EPB41: variants seen among roughly 807,000 people sequenced by gnomAD.
EPB41 encodes erythrocyte membrane protein band 4.1.
Under a neutral mutation model 108.0 loss-of-function variants are expected in EPB41, and 65 were observed. The ratio of observed to expected loss-of-function variants is 0.60; its 90% CI spans 0.49 to 0.74. EPB41 has a LOEUF of 0.74. EPB41 is among the 30% of genes least tolerant of loss of function. The probability of loss-of-function intolerance (pLI) is 0.00; values close to 1 mark genes in which losing one functional copy is unlikely to be tolerated. For missense variants in EPB41, 875 were observed against 1,037.0 expected (o/e 0.84, Z 2.15); for synonymous variants, 336 against 358.9 (o/e 0.94, Z 0.72).
chr1:29,022,372 T>A (rs375268646), intron 7 of EPB41, among the ~76,000 whole-genome samples: 1,883 of 109,598 alleles, frequency 0.017, no homozygotes, highest in East Asian at 0.038. Context: ...ATTGATATAA[T>A]AAAAAAAAAA....
intron 1 of EPB41, chr1:28,890,923 T>C: frequency 1.0e-6 from 1 of 985,468 alleles, no homozygotes; most frequent in Non-Finnish European, 1.2e-6. Context: ...GTTTGACCCC[T>C]GCTGGAGCAA....
chr1:29,057,894 T>C (rs541204813), intron 12 of EPB41, among the ~76,000 whole-genome samples: 3 of 152,322 alleles, frequency 2.0e-5, no homozygotes, highest in Non-Finnish European at 2.9e-5. Context: ...CTAGAGGAGA[T>C]TGCAGTGTGT....
intron 1 of EPB41, among the ~76,000 whole-genome samples, chr1:28,954,462 G>A (rs114293030): frequency 0.022 from 3,387 of 152,238 alleles, 79 homozygotes; most frequent in African/African-American, 0.056. Context: ...CCTTTGTTTA[G>A]CATTAGATCC....
chr1:28,920,269 TAG>T (rs1446723926), intron 1 of EPB41, among the ~76,000 whole-genome samples: 1 of 152,236 alleles, frequency 6.6e-6, no homozygotes, highest in Admixed American at 6.5e-5. Context: ...TATCTATTAA[TAG>T]AGACAGGAAC....
chr1:29,088,243 C>T (rs1187150244), intron 16 of EPB41, among the ~76,000 whole-genome samples: 2 of 151,942 alleles, frequency 1.3e-5, no homozygotes, highest in Non-Finnish European at 2.9e-5. Context: ...GACGGGGTTT[C>T]GCCATGTTGG....
chr1:28,968,065 A>G (rs2095406177), intron 1 of EPB41, among the ~76,000 whole-genome samples: 2 of 151,910 alleles, frequency 1.3e-5, no homozygotes, highest in Non-Finnish European at 2.9e-5. Flanking sequence ...CTGTTTTTAA[A>G]ACTTCGTTTT....
intron 1 of EPB41, chr1:28,890,977 A>G (rs2090052973): frequency 5.1e-6 from 5 of 985,362 alleles, no homozygotes; most frequent in Admixed American, 1.2e-4. Context: ...CTGGGGAACA[A>G]GCTGTGCTGC....
At chr1:29,105,389 C>T (rs1410159676) in intron 17 of EPB41, among the ~76,000 whole-genome samples, 1 of 151,956 alleles carries the variant, frequency 6.6e-6, no homozygotes, top group African/African-American at 2.4e-5. Flanking sequence ...AGGTGCCCAC[C>T]ACTTCACCTG....
chr1:28,990,752 C>T (rs541499651), intron 2 of EPB41, among the ~76,000 whole-genome samples: 1 of 152,086 alleles, frequency 6.6e-6, no homozygotes, highest in East Asian at 1.9e-4. Context: ...TCTCCTTCAG[C>T]TTTATATAGG....
chr1:28,925,065 A>G (rs1003695239), intron 1 of EPB41, among the ~76,000 whole-genome samples: 7 of 151,024 alleles, frequency 4.6e-5, no homozygotes, highest in African/African-American at 1.7e-4. Context: ...TCCCAGGTTC[A>G]AGCTTTTCCC....
chr1:28,906,664 AAGTGCTTTCCTGAG>A (rs1453140562), intron 1 of EPB41, among the ~76,000 whole-genome samples: 1 of 152,204 alleles, frequency 6.6e-6, no homozygotes, highest in Non-Finnish European at 1.5e-5. Context: ...ATCATTTCCA[AAGTGCTTTCCTGAG>A]AGTGCTTTCC....
chr1:28,958,023 C>G (rs2095031899), intron 1 of EPB41, among the ~76,000 whole-genome samples: 1 of 151,712 alleles, frequency 6.6e-6, no homozygotes, highest in African/African-American at 2.4e-5. Flanking sequence ...CTATGTTAAC[C>G]AGGCAGGTCT....
At chr1:28,968,219 T>C (rs2095409626) in intron 1 of EPB41, among the ~76,000 whole-genome samples, 3 of 151,746 alleles carry the variant, frequency 2.0e-5, no homozygotes, top group South Asian at 4.1e-4. Flanking sequence ...TACCTGGGTG[T>C]GGTGGCACTC....
intron 16 of EPB41, chr1:29,097,030 C>T (rs1663449243): frequency 6.6e-6 from 1 of 152,262 alleles, no homozygotes; most frequent in Non-Finnish European, 1.5e-5. Flanking sequence ...GTACTGCAGC[C>T]ACATTGTGCA....
intron 6 of EPB41, among the ~76,000 whole-genome samples, chr1:29,017,710 G>T (rs1358949819): frequency 6.6e-6 from 1 of 152,126 alleles, no homozygotes; most frequent in Non-Finnish European, 1.5e-5. Context: ...GCATAGCAAT[G>T]TGATAGAAAA....
chr1:28,921,716 A>G (rs1359328441), intron 1 of EPB41, among the ~76,000 whole-genome samples: 1 of 151,686 alleles, frequency 6.6e-6, no homozygotes, highest in Non-Finnish European at 1.5e-5. Context: ...ATGGTATCAT[A>G]TGATATTGTA....
intron 9 of EPB41, among the ~76,000 whole-genome samples, chr1:29,034,567 A>G (rs1332384774): frequency 6.6e-6 from 1 of 152,196 alleles, no homozygotes; most frequent in African/African-American, 2.4e-5. Flanking sequence ...GTTACTGGCA[A>G]TAGTAGGCAC....
chr1:29,087,639 GCGTGAGCCA>G (rs1659624292), intron 16 of EPB41, among the ~76,000 whole-genome samples: 1 of 152,076 alleles, frequency 6.6e-6, no homozygotes, highest in Admixed American at 6.6e-5. Flanking sequence ...GGGATTGTAG[GCGTGAGCCA>G]CTGCGCCCGG....
rs33953606 is a variant in EPB41, at chr1:29,080,097, A to ATTATTTATTTATTTATTTAT, written c.2184+14958_2184+14977dup. Reference sequence around the variant, plus strand: ...ATAAGTCAGAATAAGATAAAGCAACATTATTTATTTATTTATTTATTTATT... The same window carrying ATTATTTATTTATTTATTTAT: ...ATAAGTCAGAATAAGATAAAGCAACATTATTTATTTATTTATTTATTTATTTATTTATTTATTTATTTATT... On this transcript the variant is annotated intron_variant, in intron 16 of 20. Coordinates refer to ENST00000343067, the MANE Select transcript of EPB41 (RefSeq NM_001376013.1). Among the ~76,000 whole-genome samples, 212 of 145,734 alleles carry ATTATTTATTTATTTATTTAT rather than the reference A, an allele frequency of 1.5e-3. 1 individual carries two copies. The highest frequency in any genetic ancestry group is 6.3e-3 in the East Asian group (31 of 4,886).
Sources: gnomAD v4.1 joint callset for allele counts (sites outside exome capture counted in the v4.1 genomes callset) on GRCh38, gnomAD v4.1.1 for gene constraint, MANE v1.5 for transcripts, NCBI Gene and HGNC (gene_info 2026-07-23, HGNC 2026-07-21) for gene names.